Variants in RFX3 observed in about 807,000 individuals in gnomAD.
The protein encoded by RFX3 is transcription factor RFX3.
In RFX3, 14 loss-of-function variants were observed where a neutral mutation model predicts 98.6. That is an observed-to-expected ratio of 0.14 (90% confidence interval 0.09 to 0.22). RFX3 has a LOEUF of 0.22. RFX3 is among the 10% of genes least tolerant of loss of function. The probability of loss-of-function intolerance (pLI) is 1.00; values close to 1 mark genes in which losing one functional copy is unlikely to be tolerated. For synonymous variants in RFX3, 383 were observed against 328.4 expected, an observed-to-expected ratio of 1.17 and a Z score of -1.80; for missense variants, 639 against 926.9, an observed-to-expected ratio of 0.69 and a Z score of 4.03.
chr9:3,382,256 C>A (rs988974533), intron 2 of RFX3, among the ~76,000 whole-genome samples: 1 of 152,084 alleles, frequency 6.6e-6, no homozygotes, highest in Non-Finnish European at 1.5e-5. Context: ...AAAATATAAT[C>A]TTTTAAAGCA....
chr9:3,243,494 C>T (rs921638245), intron 15 of RFX3, among the ~76,000 whole-genome samples: 8 of 152,096 alleles, frequency 5.3e-5, no homozygotes, highest in African/African-American at 7.2e-5. Flanking sequence ...ACACCAACAA[C>T]ATTTATAACA....
chr9:3,219,523 C>T lies in RFX3; in HGVS notation c.*5519G>A, dbSNP rs1352083630. 6.7e-6 allele frequency: 1 copy of T among 150,210 alleles called. No individual in the cohort carries two copies. Among genetic ancestry groups the T allele is most frequent in the African/African-American group, 2.4e-5 (1 of 40,918 alleles). 9.3% of individuals were successfully genotyped at this position (150,210 alleles called of 1,614,324 possible). A position where few individuals can be genotyped will look rare whatever the true frequency, so the allele number is the denominator to read the frequency against. On this transcript the variant is annotated 3_prime_UTR_variant, in exon 17 of 17. Transcript: ENST00000617270. ...ACCAAATAAAAGAAGAGACAAAACA[C>T]ATTTTTCTTTTTAAAAAAACATATT...
At chr9:3,315,106 T>C (rs1197192055) in intron 4 of RFX3, among the ~76,000 whole-genome samples, 2 of 152,130 alleles carry the variant, frequency 1.3e-5, no homozygotes, top group South Asian at 2.1e-4. Flanking sequence ...TATTCCAAAA[T>C]TGACCACATA....
intron 3 of RFX3, among the ~76,000 whole-genome samples, chr9:3,338,421 A>G (rs930643461): frequency 3.3e-5 from 5 of 152,188 alleles, no homozygotes; most frequent in Non-Finnish European, 5.9e-5. Context: ...TAGTATTTTC[A>G]TTACTATGTA....
chr9:3,468,749 T>A (rs1282683337), intron 1 of RFX3, among the ~76,000 whole-genome samples: 1 of 148,990 alleles, frequency 6.7e-6, no homozygotes, highest in Non-Finnish European at 1.5e-5. Context: ...TAGACCTATT[T>A]AAGTCAACAT....
intron 4 of RFX3, among the ~76,000 whole-genome samples, chr9:3,304,563 C>A (rs371858374): frequency 6.6e-6 from 1 of 151,960 alleles, no homozygotes; most frequent in African/African-American, 2.4e-5. Context: ...TGGGAGGGAG[C>A]CAGTGGGAGG....
At chr9:3,520,488 T>C (rs940774961) in intron 1 of RFX3, among the ~76,000 whole-genome samples, 29 of 152,142 alleles carry the variant, frequency 1.9e-4, no homozygotes, top group African/African-American at 6.5e-4. Flanking sequence ...AGCCCAAGAT[T>C]GGATTCAGTA....
intron 3 of RFX3, chr9:3,344,953 A>G: frequency 1.6e-6 from 1 of 644,938 alleles, no homozygotes; most frequent in Non-Finnish European, 2.8e-6. Context: ...TAGATTTAAT[A>G]CGGTAACAGA....
intron 1 of RFX3, among the ~76,000 whole-genome samples, chr9:3,439,943 G>A (rs1361368518): frequency 6.6e-6 from 1 of 152,052 alleles, no homozygotes; most frequent in African/African-American, 2.4e-5. Flanking sequence ...GGATCTGAAA[G>A]TTTGTTTAGG....
chr9:3,344,958 A>T, intron 3 of RFX3: 1 of 631,482 alleles, frequency 1.6e-6, no homozygotes, highest in Non-Finnish European at 2.9e-6. Flanking sequence ...TTAATACGGT[A>T]ACAGAAATTT....
At chr9:3,354,570 A>C (rs931708671) in intron 2 of RFX3, among the ~76,000 whole-genome samples, 2 of 152,016 alleles carry the variant, frequency 1.3e-5, no homozygotes, top group Non-Finnish European at 2.9e-5. Context: ...AAACAGCTTT[A>C]AAGTAGTGAC....
At chr9:3,262,541 T>C (rs1823048720) in intron 13 of RFX3, among the ~76,000 whole-genome samples, 1 of 152,138 alleles carries the variant, frequency 6.6e-6, no homozygotes, top group Non-Finnish European at 1.5e-5. Context: ...ATATAAACAA[T>C]AATCTAAGAC....
intron 1 of RFX3, among the ~76,000 whole-genome samples, chr9:3,456,325 G>C (rs938514536): frequency 6.6e-6 from 1 of 152,140 alleles, no homozygotes; most frequent in Non-Finnish European, 1.5e-5. Flanking sequence ...CACTTGATCC[G>C]TGGCTAGTGT....
chr9:3,256,197 C>T (rs1822121069), intron 14 of RFX3, among the ~76,000 whole-genome samples: 1 of 152,104 alleles, frequency 6.6e-6, no homozygotes, highest in African/African-American at 2.4e-5. Context: ...GTCTCGATCT[C>T]CTGACCTCGT....
intron 1 of RFX3, among the ~76,000 whole-genome samples, chr9:3,521,605 GT>G (rs958860618): frequency 6.6e-5 from 10 of 152,060 alleles, no homozygotes; most frequent in African/African-American, 2.4e-4. Flanking sequence ...TAGGTTGATA[GT>G]TTTTTTATTT....
chr9:3,424,088 A>G (rs1373177279), intron 1 of RFX3, among the ~76,000 whole-genome samples: 1 of 150,650 alleles, frequency 6.6e-6, no homozygotes, highest in African/African-American at 2.4e-5. Flanking sequence ...TGGAGCTTGC[A>G]GTGAGCTGAG....
intron 15 of RFX3, among the ~76,000 whole-genome samples, chr9:3,238,083 G>A (rs1819415873): frequency 6.6e-6 from 1 of 152,102 alleles, no homozygotes; most frequent in Non-Finnish European, 1.5e-5. Flanking sequence ...ATTTGTTCGT[G>A]TTTGCAGAGG....
intron 4 of RFX3, among the ~76,000 whole-genome samples, chr9:3,320,085 T>C (rs532127959): frequency 6.6e-5 from 10 of 152,340 alleles, no homozygotes; most frequent in Non-Finnish European, 1.0e-4. Flanking sequence ...ACTGGGCACA[T>C]AAAGGATTTG....
chr9:3,445,764 T>C (rs936112635), intron 1 of RFX3, among the ~76,000 whole-genome samples: 2 of 152,144 alleles, frequency 1.3e-5, no homozygotes, highest in Non-Finnish European at 2.9e-5. Flanking sequence ...CCAGCATAAT[T>C]TCCTGTTATT....
Sources: gnomAD v4.1 joint callset for allele counts (sites outside exome capture counted in the v4.1 genomes callset) on GRCh38, gnomAD v4.1.1 for gene constraint, MANE v1.5 for transcripts, NCBI Gene and HGNC (gene_info 2026-07-23, HGNC 2026-07-21) for gene names.